The following IFT88 variants were observed in gnomAD, a reference collection of about 807,000 sequenced individuals.
The protein encoded by IFT88 is intraflagellar transport protein 88 homolog.
A neutral mutation model predicts 119.5 loss-of-function variants in IFT88; 74 were observed. The observed-to-expected ratio is 0.62, with a 90% CI of 0.51 to 0.75. The LOEUF is 0.75. IFT88 is among the 30% of genes least tolerant of loss of function. The pLI, the probability that IFT88 is intolerant of heterozygous loss-of-function variation, is 0.00. For missense variants in IFT88, 961 were observed against 977.7 expected, an observed-to-expected ratio of 0.98 and a Z score of 0.23; for synonymous variants, 279 against 316.7, an observed-to-expected ratio of 0.88 and a Z score of 1.26.
At chr13:20,618,183 G>A (rs2045942877) in intron 14 of IFT88, among the ~76,000 whole-genome samples, 1 of 152,200 alleles carries the variant, frequency 6.6e-6, no homozygotes, top group South Asian at 2.1e-4. Context: ...GCCTCCCAAA[G>A]CGCTGGGATT....
intron 18 of IFT88, 108 bp from the exon 19 acceptor site, chr13:20,643,347 T>C (rs2050246904): frequency 2.5e-6 from 2 of 808,892 alleles, no homozygotes; most frequent in South Asian, 3.6e-5. Flanking sequence ...CAGTATACAA[T>C]AGCACATTAC....
intron 16 of IFT88, among the ~76,000 whole-genome samples, chr13:20,632,511 G>A (rs761883754): frequency 2.6e-5 from 4 of 152,144 alleles, no homozygotes; most frequent in African/African-American, 7.2e-5. Flanking sequence ...TTTTGCTTAC[G>A]TTTTGCTCAG....
intron 23 of IFT88, among the ~76,000 whole-genome samples, chr13:20,664,607 A>C (rs554052805): frequency 6.6e-6 from 1 of 152,330 alleles, no homozygotes; most frequent in African/African-American, 2.4e-5. Context: ...CATGAAAAAC[A>C]TTAGCAGACA....
At chr13:20,607,579 G>T in intron 13 of IFT88, 1 of 739,592 alleles carries the variant, frequency 1.4e-6, no homozygotes, top group East Asian at 2.5e-5. Flanking sequence ...AGAGATTTGC[G>T]GATCCACCAT....
intron 14 of IFT88, among the ~76,000 whole-genome samples, chr13:20,617,812 G>A (rs959458753): frequency 4.6e-5 from 7 of 151,992 alleles, no homozygotes; most frequent in Admixed American, 3.3e-4. Context: ...ATTTTTTCTT[G>A]AGATTGAGTC....
At chr13:20,631,849 A>G (rs896912130) in intron 16 of IFT88, 3 of 152,156 alleles carry the variant, frequency 2.0e-5, no homozygotes, top group Admixed American at 2.0e-4. Context: ...TTTTCTGAAT[A>G]TTGAAAATTG....
chr13:20,617,434 C>A (rs2045816321), intron 14 of IFT88, among the ~76,000 whole-genome samples: 1 of 152,158 alleles, frequency 6.6e-6, no homozygotes, highest in Admixed American at 6.5e-5. Flanking sequence ...TCAAACAAAG[C>A]CGATACGTGC....
intron 21 of IFT88, among the ~76,000 whole-genome samples, chr13:20,656,155 G>T: frequency 1.5e-5 from 2 of 135,564 alleles, no homozygotes. Flanking sequence ...CTAAATTTCA[G>T]CTATCACCCA....
intron 24 of IFT88, among the ~76,000 whole-genome samples, chr13:20,687,094 T>A (rs2058022648): frequency 6.7e-6 from 1 of 150,300 alleles, no homozygotes; most frequent in South Asian, 2.1e-4. Flanking sequence ...TACAAATAGG[T>A]CATCTTCTTA....
At position 20,641,111 on chromosome 13, in the gene IFT88, C is replaced by T. The variant is rs138200835; in HGVS notation, c.1574-179C>T. Among the ~76,000 whole-genome samples the T allele has an allele frequency of 1.3e-4, 20 of 152,308 alleles. No homozygotes were observed. The East Asian group carries it at 3.5e-3, about 26-fold the overall frequency. ...GCTGTGAGCCATGTTTGTGCCACTA[C>T]ACTCCAGTGTGGGCAGCAGGAGTGA... On this transcript the variant is annotated intron_variant, in intron 17 of 25. Coordinates refer to ENST00000351808, the MANE Select transcript of IFT88 (RefSeq NM_006531.5).
chr13:20,590,643 A>G (rs747770897), intron 4 of IFT88, among the ~76,000 whole-genome samples: 8 of 152,172 alleles, frequency 5.3e-5, no homozygotes, highest in Non-Finnish European at 1.0e-4. Context: ...GAAGGGCTAG[A>G]TATTTTAGGC....
intron 23 of IFT88, among the ~76,000 whole-genome samples, chr13:20,669,551 G>A (rs184810331): frequency 3.3e-5 from 5 of 151,808 alleles, no homozygotes; most frequent in African/African-American, 9.7e-5. Flanking sequence ...AGCCTCCAGA[G>A]TAGCTGAGAT....
intron 1 of IFT88, chr13:20,568,105 G>C (rs913844427): frequency 6.0e-6 from 4 of 671,764 alleles, no homozygotes; most frequent in African/African-American, 3.5e-5. Flanking sequence ...TGCCACGTGC[G>C]GGCCGGGGTT....
At chr13:20,583,719 C>G (rs1363821983) in intron 3 of IFT88, among the ~76,000 whole-genome samples, 1 of 152,148 alleles carries the variant, frequency 6.6e-6, no homozygotes, top group Non-Finnish European at 1.5e-5. Flanking sequence ...TGTCATGAAG[C>G]TTTTCCCCTA....
intron 1 of IFT88, among the ~76,000 whole-genome samples, chr13:20,573,910 AAT>A (rs2036865592): frequency 6.6e-6 from 1 of 152,230 alleles, no homozygotes; most frequent in Non-Finnish European, 1.5e-5. Context: ...AAATGAGGAC[AAT>A]AACTTAATGT....
intron 3 of IFT88, among the ~76,000 whole-genome samples, chr13:20,583,884 C>T (rs138021971): frequency 7.8e-4 from 119 of 152,160 alleles, no homozygotes; most frequent in Middle Eastern, 6.8e-3. Flanking sequence ...CTGTACAGAC[C>T]GTCCCTTCCC....
intron 16 of IFT88, among the ~76,000 whole-genome samples, chr13:20,633,217 A>G (rs1421946972): frequency 6.6e-6 from 1 of 152,256 alleles, no homozygotes; most frequent in Non-Finnish European, 1.5e-5. Flanking sequence ...TATCAAGGAA[A>G]GAGGTTTAAT....
chr13:20,658,668 C>T (rs2053279033), intron 22 of IFT88, among the ~76,000 whole-genome samples: 1 of 152,152 alleles, frequency 6.6e-6, no homozygotes, highest in African/African-American at 2.4e-5. Flanking sequence ...GGAGGCCATC[C>T]AGGGGATTAT....
intron 3 of IFT88, 106 bp from the exon 4 acceptor site, chr13:20,589,705 A>G (rs1026249182): frequency 1.2e-5 from 6 of 509,710 alleles, no homozygotes. Flanking sequence ...TAAGTATTAT[A>G]TAAATATTTC....
Sources: allele counts gnomAD v4.1 joint callset (sites outside exome capture counted in the v4.1 genomes callset), GRCh38; gene constraint gnomAD v4.1.1; transcripts MANE v1.5; gene names NCBI Gene and HGNC (gene_info 2026-07-23, HGNC 2026-07-21).